The following ARHGEF28 variants were observed in gnomAD, a reference collection of about 807,000 sequenced individuals.
ARHGEF28 encodes the protein Rho guanine nucleotide exchange factor 28.
Under a neutral mutation model 206.6 loss-of-function variants are expected in ARHGEF28, and 152 were observed. The observed-to-expected ratio is 0.74, with a 90% CI of 0.64 to 0.84. The LOEUF (loss-of-function observed/expected upper bound fraction) is 0.84, where lower values mean the gene tolerates loss of function less well. Ranked by LOEUF, ARHGEF28 falls within the 40% of genes least tolerant of loss-of-function variation. ARHGEF28 has a pLI of 0.00. For synonymous variants in ARHGEF28, 763 were observed against 776.4 expected (o/e 0.98, Z 0.29); for missense variants, 2,028 against 2,073.2 (o/e 0.98, Z 0.42).
At chr5:73,729,826 A>G (rs188290619) in intron 2 of ARHGEF28, among the ~76,000 whole-genome samples, 2 of 152,328 alleles carry the variant, frequency 1.3e-5, no homozygotes, top group Admixed American at 1.3e-4. Context: ...TGGCGCCTTT[A>G]AATACCTATG....
intron 1 of ARHGEF28, among the ~76,000 whole-genome samples, chr5:73,646,882 C>T (rs1744459725): frequency 7.5e-6 from 1 of 133,832 alleles, no homozygotes; most frequent in Non-Finnish European, 1.6e-5. Flanking sequence ...TATCTAGAGA[C>T]CATGTTCCTT....
chr5:73,880,998 T>C (rs1760887934), intron 22 of ARHGEF28, among the ~76,000 whole-genome samples: 1 of 151,908 alleles, frequency 6.6e-6, no homozygotes, highest in South Asian at 2.1e-4. Flanking sequence ...TTTGAGTGTT[T>C]TTTTGTGCAG....
At chr5:73,635,666 C>A (rs1315838812) in intron 1 of ARHGEF28, among the ~76,000 whole-genome samples, 2 of 152,158 alleles carry the variant, frequency 1.3e-5, no homozygotes, top group African/African-American at 4.8e-5. Flanking sequence ...TTATCAGAAA[C>A]CCACATTTAG....
chr5:73,741,108 A>G (rs925806167), intron 2 of ARHGEF28, among the ~76,000 whole-genome samples: 5 of 152,034 alleles, frequency 3.3e-5, no homozygotes, highest in African/African-American at 1.2e-4. Context: ...TTCACTTACT[A>G]GGAGTTCTCT....
intron 2 of ARHGEF28, among the ~76,000 whole-genome samples, chr5:73,694,760 C>T (rs553561157): frequency 7.9e-5 from 12 of 152,290 alleles, no homozygotes; most frequent in East Asian, 1.9e-4. Flanking sequence ...TTTATCAAAA[C>T]GGATCTTATG....
rs571143491 is a variant in ARHGEF28, at chr5:73,818,456, T to C, written c.1025-13882T>C. On this transcript the variant is annotated intron_variant, in intron 9 of 35. Transcript: ENST00000513042. ...ACATGCATGTGGATATGCAAGTGAG[T>C]ATTCAGTCTAAAAACTCCCCAAATG... Among the ~76,000 whole-genome samples, 10 of 152,196 alleles carry C rather than the reference T, an allele frequency of 6.6e-5. No individual in the cohort carries two copies. The South Asian group carries it at 2.1e-3, about 32-fold the overall frequency.
chr5:73,890,347 A>G (rs1761551346), intron 26 of ARHGEF28, among the ~76,000 whole-genome samples: 1 of 152,210 alleles, frequency 6.6e-6, no homozygotes, highest in Admixed American at 6.5e-5. Context: ...GCCTTTTTAC[A>G]TACAGAGGCT....
At chr5:73,686,851 A>T (rs1341699447) in intron 2 of ARHGEF28, among the ~76,000 whole-genome samples, 1 of 152,214 alleles carries the variant, frequency 6.6e-6, no homozygotes, top group East Asian at 1.9e-4. Context: ...TATTAAAAAA[A>T]TGCTGATAAG....
chr5:73,783,992 A>C (rs1210937307), intron 7 of ARHGEF28, among the ~76,000 whole-genome samples: 1 of 152,164 alleles, frequency 6.6e-6, no homozygotes, highest in African/African-American at 2.4e-5. Context: ...AGAGTACTAG[A>C]AACTGTATGC....
chr5:73,873,336 A>G lies in ARHGEF28; in HGVS notation c.2814+90A>G. On this transcript the variant is annotated intron_variant, in intron 22 of 35. Coordinates refer to ENST00000513042, the MANE Select transcript of ARHGEF28 (RefSeq NM_001177693.2). ...TTCATCAACAAGAGTAAAAAAAATGATATTTTGAAACATTCATAGTGACAT... is the reference window on the plus strand; with the variant it reads ...TTCATCAACAAGAGTAAAAAAAATGGTATTTTGAAACATTCATAGTGACAT... 13 of 1,424,208 alleles carry G rather than the reference A, an allele frequency of 9.1e-6. No individual in the cohort carries two copies. The South Asian group carries it at 1.9e-4, about 21-fold the overall frequency. The allele number at this position is 1,424,208 out of a possible 1,614,324, so 88.2% of individuals were successfully genotyped here. A position where few individuals can be genotyped will look rare whatever the true frequency, so the allele number is the denominator to read the frequency against.
intron 1 of ARHGEF28, among the ~76,000 whole-genome samples, chr5:73,658,766 A>G (rs1745392518): frequency 6.6e-6 from 1 of 152,184 alleles, no homozygotes; most frequent in African/African-American, 2.4e-5. Flanking sequence ...TAGCATTGGT[A>G]TTATAGACTA....
chr5:73,859,333 C>T (rs1026261637), intron 16 of ARHGEF28, among the ~76,000 whole-genome samples: 2 of 152,084 alleles, frequency 1.3e-5, no homozygotes, highest in African/African-American at 2.4e-5. Flanking sequence ...ATTTGTTGAT[C>T]GCCAGAATTG....
Position 73,932,685 on chromosome 5 carries a change from A to G in ARHGEF28, c.4949-8159A>G, listed in dbSNP as rs561368002. 3.3e-5 allele frequency among the ~76,000 whole-genome samples: 5 copies of G among 152,176 alleles called. No homozygotes were observed. In the East Asian group the frequency reaches 5.8e-4, roughly 18 times the overall value. ...TAATTATATTAGAATTTTCAAATTA[A>G]GTATTCACTAATTCATTTATTCATT... On this transcript the variant is annotated intron_variant, in intron 35 of 35. Coordinates refer to ENST00000513042, the MANE Select transcript of ARHGEF28 (RefSeq NM_001177693.2).
chr5:73,853,009 TCC>T (rs974422939), intron 14 of ARHGEF28, among the ~76,000 whole-genome samples: 1 of 152,208 alleles, frequency 6.6e-6, no homozygotes, highest in African/African-American at 2.4e-5. Flanking sequence ...CCAGCTCTAT[TCC>T]ACCATGACAA....
chr5:73,883,745 A>G, intron 23 of ARHGEF28, 22 bp from the exon 24 acceptor site: 1 of 1,470,658 alleles, frequency 6.8e-7, no homozygotes, highest in Non-Finnish European at 9.2e-7. Context: ...ATTTGTGTAC[A>G]TAAAAGTATA....
At chr5:73,681,146 A>G (rs975541522) in intron 1 of ARHGEF28, among the ~76,000 whole-genome samples, 2 of 151,746 alleles carry the variant, frequency 1.3e-5, no homozygotes, top group African/African-American at 4.8e-5. Context: ...GATTATGTAC[A>G]AAAATACATA....
intron 9 of ARHGEF28, among the ~76,000 whole-genome samples, chr5:73,809,647 G>C (rs769372198): frequency 9.2e-5 from 14 of 152,202 alleles, no homozygotes; most frequent in African/African-American, 1.4e-4. Context: ...AAGGTTGAAA[G>C]GCAGGTTAAT....
Position 73,688,125 on chromosome 5 carries a change from C to A in ARHGEF28, c.33+3241C>A, listed in dbSNP as rs945960342. 3.3e-5 allele frequency among the ~76,000 whole-genome samples: 5 copies of A among 152,230 alleles called. No homozygotes were observed. The East Asian group carries it at 7.7e-4, about 24-fold the overall frequency. On this transcript the variant is annotated intron_variant, in intron 2 of 35. Transcript: ENST00000513042. ...AGGCTATATTAAAATTATAAAATAA[C>A]ACTATGCATAATTGTATGTTAATGC...
At chr5:73,670,997 T>A (rs1426988199) in intron 1 of ARHGEF28, among the ~76,000 whole-genome samples, 1 of 152,200 alleles carries the variant, frequency 6.6e-6, no homozygotes, top group East Asian at 1.9e-4. Flanking sequence ...CTTAGCCTTT[T>A]TTTTTCAGGT....
Sources: allele counts gnomAD v4.1 joint callset (sites outside exome capture counted in the v4.1 genomes callset), GRCh38; gene constraint gnomAD v4.1.1; transcripts MANE v1.5; gene names NCBI Gene and HGNC (gene_info 2026-07-23, HGNC 2026-07-21).